SREBF1: variants seen among roughly 807,000 people sequenced by gnomAD.
SREBF1 encodes sterol regulatory element-binding protein 1.
In SREBF1, 45 loss-of-function variants were observed where a neutral mutation model predicts 100.1. The observed-to-expected ratio is 0.45, with a 90% confidence interval of 0.35 to 0.58. The LOEUF is 0.58. SREBF1 is among the 20% of genes least tolerant of loss of function. The pLI, the probability that SREBF1 is intolerant of heterozygous loss-of-function variation, is 0.00. For synonymous variants in SREBF1, 657 were observed against 681.8 expected (o/e 0.96, Z 0.57); for missense variants, 1,324 against 1,539.4 (o/e 0.86, Z 2.34).
chr17:17,819,684 G>A lies in SREBF1; in HGVS notation c.565C>T (p.Pro189Ser), dbSNP rs531373893. The A allele has an allele frequency of 1.4e-5, 22 of 1,610,332 alleles. No individual in the cohort carries two copies. Among genetic ancestry groups the A allele is most frequent in the Admixed American group, 6.7e-5 (4 of 59,856 alleles). Residue 189 changes from proline to serine, a missense_variant, in exon 3 of 19, where the codon CCA (proline) becomes TCA (serine). By Grantham distance (74) the Pro-to-Ser change is moderately conservative. Transcript: ENST00000261646. Reference protein sequence around the residue: ...GNTQQPLPGLPLASPPGVPPV... With the variant: ...GNTQQPLPGLSLASPPGVPPV... ...GGGACCCCTGGCGGGGAAGCCAGTGGCAGGCCAGGCAGCGGCTGCTGGGTG... is the reference window on the plus strand; with the variant it reads ...GGGACCCCTGGCGGGGAAGCCAGTGACAGGCCAGGCAGCGGCTGCTGGGTG...
chr17:17,827,662 C>T (rs758441338), intron 1 of SREBF1, among the ~76,000 whole-genome samples: 12 of 152,078 alleles, frequency 7.9e-5, no homozygotes, highest in Non-Finnish European at 1.3e-4. Context: ...TGCACCTGGG[C>T]GCAGGTCCTC....
chr17:17,827,523 C>T (rs1215591155), intron 1 of SREBF1, among the ~76,000 whole-genome samples: 1 of 152,188 alleles, frequency 6.6e-6, no homozygotes, highest in Non-Finnish European at 1.5e-5. Context: ...CGGCGGTCCT[C>T]GTGTTCTCAG....
intron 1 of SREBF1, among the ~76,000 whole-genome samples, chr17:17,830,327 C>T (rs188172253): frequency 1.2e-4 from 18 of 152,366 alleles, no homozygotes; most frequent in East Asian, 7.7e-4. Flanking sequence ...CTGCATCTGG[C>T]TAAATGGTGA....
intron 5 of SREBF1, 74 bp downstream of exon 5, chr17:17,818,939 C>T: frequency 4.6e-6 from 7 of 1,531,890 alleles, no homozygotes; most frequent in Non-Finnish European, 6.3e-6. Context: ...CACTCCCTCT[C>T]TTCCTTCCAG....
rs1181512282 is a variant in SREBF1, at chr17:17,817,408, C to T, written c.1454G>A (p.Arg485His). Residue 485 changes from arginine (R) to histidine (H), a missense_variant, in exon 8 of 19, where the codon CGC (arginine) becomes CAC (histidine). Physicochemically the swap from Arg to His is conservative, Grantham distance 29. Coordinates refer to ENST00000261646, the MANE Select transcript of SREBF1 (RefSeq NM_004176.5). This position sits in a 1 kb window ranked among gnomAD's most constrained non-coding sequence, Gnocchi z 6.6. The part of the protein sequence containing the change: ...PSLHSRGMLD[R>H]SRLALCTLVF... The stretch of plus-strand genomic sequence containing the variant: ...GAGCGTGCACAGGGCCAGGCGGGAG[C>T]GGTCCAGCATGCCCCGGCTGTGCAG... 5.6e-6 allele frequency: 9 copies of T among 1,599,906 alleles called. No individual in the cohort carries two copies. The highest frequency in any genetic ancestry group is 7.7e-6 in the Non-Finnish European group (9 of 1,173,650).
chr17:17,816,829 C>G (rs190527750), intron 9 of SREBF1, 111 bp from the exon 10 acceptor site: 3 of 1,581,452 alleles, frequency 1.9e-6, no homozygotes, highest in Non-Finnish European at 1.7e-6. Flanking sequence ...TCTGCGGATG[C>G]GTGGCTAGGC....
intron 3 of SREBF1, 29 bp downstream of exon 3, chr17:17,819,509 C>G: frequency 6.2e-7 from 1 of 1,613,466 alleles, no homozygotes; most frequent in Non-Finnish European, 8.5e-7. Context: ...GGGCTGCCCC[C>G]TCCCCAACCC....
At chr17:17,816,853 G>A (rs754646278) in intron 9 of SREBF1, 105 bp downstream of exon 9, 3 of 1,592,548 alleles carry the variant, frequency 1.9e-6, no homozygotes, top group African/African-American at 2.7e-5. Flanking sequence ...GGGAGGACGG[G>A]ACAGATTCAT....
chr17:17,822,401 C>G (rs760055906), intron 1 of SREBF1, among the ~76,000 whole-genome samples: 5 of 152,244 alleles, frequency 3.3e-5, no homozygotes, highest in Non-Finnish European at 7.3e-5. Flanking sequence ...GCCTCAAGAC[C>G]CAGGCCTGGC....
intron 16 of SREBF1, chr17:17,814,041 A>G (rs1189129737): frequency 5.9e-6 from 4 of 673,144 alleles, no homozygotes; most frequent in Non-Finnish European, 1.0e-5. Context: ...CCTCCCAGGG[A>G]TGGGGAAACT....
chr17:17,815,550 C>G, intron 12 of SREBF1: 1 of 596,844 alleles, frequency 1.7e-6, no homozygotes, highest in Non-Finnish European at 3.0e-6. Flanking sequence ...CTGCCCTACA[C>G]TGCTTCCAAA....
rs1192788868 is a variant in SREBF1, at chr17:17,811,859, C to T, written c.*763G>A. ...GGCCCTAAGGGTTGACACAGCCCAA[C>T]CATGTGCCCTGGGAGCAGGGGGAAC... On this transcript the variant is annotated 3_prime_UTR_variant, in exon 19 of 19. Coordinates refer to ENST00000261646, the MANE Select transcript of SREBF1 (RefSeq NM_004176.5). The T allele has an allele frequency of 6.8e-6, 3 of 439,210 alleles. No homozygotes were observed. Among genetic ancestry groups the T allele is most frequent in the African/African-American group, 4.1e-5 (2 of 48,908 alleles). The allele number at this position is 439,210 out of a possible 1,614,324, so 27.2% of individuals were successfully genotyped here.
Position 17,816,915 on chromosome 17 carries a change from TGGGGTCCCTGCCCTGCCCACTCTGCC to T in SREBF1, c.1785+17_1785+42del, listed in dbSNP as rs1567965852. The T allele has an allele frequency of 6.2e-7, 1 of 1,611,752 alleles. No homozygotes were observed. The highest frequency in any genetic ancestry group is 2.2e-5 in the East Asian group (1 of 44,884). ...GTTGACACCCAGCACCTTCACAGCCTGGGGTCCCTGCCCTGCCCACTCTGCCGGGGCCAGCCCCTTACCCGGGCCAG... is the reference window on the plus strand; with the variant it reads ...GTTGACACCCAGCACCTTCACAGCCTGGGGCCAGCCCCTTACCCGGGCCAG... On this transcript the variant is annotated intron_variant, in intron 9 of 18. Coordinates refer to ENST00000261646, the MANE Select transcript of SREBF1 (RefSeq NM_004176.5).
In SREBF1 at chr17:17,815,655, A is replaced by G. The variant is rs927712017; in HGVS notation, c.2383+205T>C. 26 of 622,828 alleles carry G rather than the reference A, an allele frequency of 4.2e-5. No homozygotes were observed. In the South Asian group the frequency reaches 4.5e-4, roughly 11 times the overall value. The allele number at this position is 622,828 out of a possible 1,614,324, so 38.6% of individuals were successfully genotyped here. On this transcript the variant is annotated intron_variant, in intron 12 of 18. Transcript: ENST00000261646. ...CACTTCTCCAATTAGCCATCTGCCC[A>G]TCAATCCCTGCATGTGCTTCTGAAA...
rs1452768193 is a variant in SREBF1, at chr17:17,817,988, G to A, written c.1184-72C>T. ...ACCCCAAATCAGAGCCTAGGCCCTTGGAGGCCTAGGGACTACTGTAGCTCC... is the reference window on the plus strand; with the variant it reads ...ACCCCAAATCAGAGCCTAGGCCCTTAGAGGCCTAGGGACTACTGTAGCTCC... On this transcript the variant is annotated intron_variant, in intron 6 of 18. Transcript: ENST00000261646. This position sits in a 1 kb window ranked among gnomAD's most constrained non-coding sequence, Gnocchi z 6.6. The A allele has an allele frequency of 6.9e-6, 10 of 1,446,188 alleles. No individual in the cohort carries two copies. Among genetic ancestry groups the A allele is most frequent in the African/African-American group, 2.8e-5 (2 of 71,992 alleles). The allele number at this position is 1,446,188 out of a possible 1,614,324, so 89.6% of individuals were successfully genotyped here. A position where few individuals can be genotyped will look rare whatever the true frequency, so the allele number is the denominator to read the frequency against.
At chr17:17,832,330 C>T (rs57195963) in intron 1 of SREBF1, among the ~76,000 whole-genome samples, 3,969 of 152,226 alleles carry the variant, frequency 0.026, 132 homozygotes, top group African/African-American at 0.082. Flanking sequence ...GTTCACATTA[C>T]GATCCTCCAT....
chr17:17,833,470 TATATAC>T (rs1437882673), intron 1 of SREBF1, among the ~76,000 whole-genome samples: 1,333 of 122,582 alleles, frequency 0.011, 19 homozygotes, highest in African/African-American at 0.031. Context: ...TATATATATA[TATATAC>T]ACACACACAT....
chr17:17,815,006 A>C (rs1598113233), intron 13 of SREBF1, 62 bp from the exon 14 acceptor site: 1 of 1,457,164 alleles, frequency 6.9e-7, no homozygotes, highest in Non-Finnish European at 9.4e-7. Flanking sequence ...GGTGCTCCCC[A>C]CCTGCCCTCC....
chr17:17,835,801 C>A (rs1450832426), intron 1 of SREBF1, among the ~76,000 whole-genome samples: 1 of 152,248 alleles, frequency 6.6e-6, no homozygotes, highest in Non-Finnish European at 1.5e-5. Context: ...AGATGGAAGC[C>A]GGTGCCACTG....
Sources: gnomAD v4.1 joint callset for allele counts (sites outside exome capture counted in the v4.1 genomes callset) on GRCh38, gnomAD v4.1.1 for gene constraint, Gnocchi (gnomAD v3.1) non-coding constraint, MANE v1.5 for transcripts, NCBI Gene and HGNC (gene_info 2026-07-23, HGNC 2026-07-21) for gene names.